DPP10: variants seen among roughly 807,000 people sequenced by gnomAD.
The protein encoded by DPP10 is inactive dipeptidyl peptidase 10.
Under a neutral mutation model 120.9 loss-of-function variants are expected in DPP10, and 33 were observed. That is an observed-to-expected ratio of 0.27 (90% CI 0.21 to 0.37). The LOEUF (loss-of-function observed/expected upper bound fraction) is 0.37, where lower values mean the gene tolerates loss of function less well. Among genes scored for constraint, DPP10 ranks in the 10% least tolerant of loss-of-function variants. DPP10 has a pLI of 1.00. For missense variants in DPP10, 816 were observed against 942.8 expected, an observed-to-expected ratio of 0.87 and a Z score of 1.76; for synonymous variants, 337 against 326.1, an observed-to-expected ratio of 1.03 and a Z score of -0.36.
At chr2:114,983,193 T>G (rs896344125) in intron 1 of DPP10, among the ~76,000 whole-genome samples, 2 of 152,190 alleles carry the variant, frequency 1.3e-5, no homozygotes, top group Non-Finnish European at 2.9e-5. Flanking sequence ...GAGATTTGCT[T>G]TCCACGATTT....
At chr2:114,845,221 T>C (rs1377677421) in intron 1 of DPP10, among the ~76,000 whole-genome samples, 1 of 152,094 alleles carries the variant, frequency 6.6e-6, no homozygotes, top group Non-Finnish European at 1.5e-5. Context: ...TGCTAACGGA[T>C]GAGACTCAAT....
At chr2:114,931,032 C>G (rs1366383432) in intron 1 of DPP10, among the ~76,000 whole-genome samples, 1 of 152,124 alleles carries the variant, frequency 6.6e-6, no homozygotes, top group Non-Finnish European at 1.5e-5. Context: ...CCAAACTATA[C>G]CAACCACTTA....
chr2:115,073,331 T>A (rs966821), intron 1 of DPP10, among the ~76,000 whole-genome samples: 148,861 of 152,320 alleles, frequency 0.98, 72,843 homozygotes, highest in Middle Eastern at 1. Context: ...AGAAGTTATG[T>A]TTTTAAAATC....
At chr2:114,574,372 C>T (rs1164653309) in intron 1 of DPP10, among the ~76,000 whole-genome samples, 2 of 152,104 alleles carry the variant, frequency 1.3e-5, no homozygotes, top group Non-Finnish European at 2.9e-5. Context: ...GCGTCAGCGC[C>T]GCTTGCCCAC....
At chr2:114,778,199 G>T (rs1681934305) in intron 1 of DPP10, among the ~76,000 whole-genome samples, 1 of 151,982 alleles carries the variant, frequency 6.6e-6, no homozygotes, top group Non-Finnish European at 1.5e-5. Flanking sequence ...AATATTAAGG[G>T]ATGACACTTA....
chr2:114,450,950 C>A (rs1428905551), intron 1 of DPP10, among the ~76,000 whole-genome samples: 1 of 152,078 alleles, frequency 6.6e-6, no homozygotes. Flanking sequence ...CAAGATGAAT[C>A]ATTGCTGACG....
chr2:115,147,889 C>G (rs952779902), intron 1 of DPP10, among the ~76,000 whole-genome samples: 1 of 152,092 alleles, frequency 6.6e-6, no homozygotes, highest in African/African-American at 2.4e-5. Context: ...GACTTTAGCT[C>G]TTTTTGGTAG....
chr2:114,694,949 A>T (rs1234769560), intron 1 of DPP10, among the ~76,000 whole-genome samples: 2 of 151,992 alleles, frequency 1.3e-5, no homozygotes, highest in East Asian at 3.9e-4. Flanking sequence ...TTTAATTTGG[A>T]TGAAATATTT....
Position 114,534,403 on chromosome 2 carries a change from G to A in DPP10, c.60+91565G>A, listed in dbSNP as rs191975664. 2.3e-3 allele frequency among the ~76,000 whole-genome samples: 345 copies of A among 151,958 alleles called. 2 individuals are homozygous for A. Among genetic ancestry groups the A allele is most frequent in the African/African-American group, 8.0e-3 (333 of 41,452 alleles). On this transcript the variant is annotated intron_variant, in intron 1 of 25. Coordinates refer to ENST00000410059, the MANE Select transcript of DPP10 (RefSeq NM_020868.6). ...AACCTAGGTACCTGTTCATGATTAA[G>A]AATGAACTACTCAGAGGTTTATTTG...
intron 1 of DPP10, among the ~76,000 whole-genome samples, chr2:114,829,269 G>A (rs1040334946): frequency 2.6e-5 from 4 of 151,762 alleles, no homozygotes; most frequent in South Asian, 2.1e-4. Flanking sequence ...CAGCCTGGGC[G>A]ACAGAGTGAG....
intron 1 of DPP10, among the ~76,000 whole-genome samples, chr2:114,852,480 C>A (rs1689032525): frequency 6.6e-6 from 1 of 152,000 alleles, no homozygotes; most frequent in Non-Finnish European, 1.5e-5. Context: ...AGTATAATAG[C>A]TATTTACATA....
intron 1 of DPP10, among the ~76,000 whole-genome samples, chr2:114,871,483 C>T (rs569134732): frequency 5.3e-4 from 80 of 152,120 alleles, no homozygotes; most frequent in Middle Eastern, 6.8e-3. Context: ...TGTGAACCAA[C>T]CTAATAAGAG....
rs556551191 is a variant in DPP10 at position 115,124,123 on chromosome 2, G to A, written c.61-185116G>A. On this transcript the variant is annotated intron_variant, in intron 1 of 25. Transcript: ENST00000410059. ...ACCTGGCTAATTTTCTTATTCTTAT[G>A]TAAAAGTGGGGCTCTTGCCATCTTG... Among the ~76,000 whole-genome samples, 12 of 151,950 alleles carry A rather than the reference G, an allele frequency of 7.9e-5. No homozygotes were observed. In the South Asian group the frequency reaches 2.5e-3, roughly 32 times the overall value.
At chr2:115,594,646 A>G (rs1451289813) in intron 5 of DPP10, among the ~76,000 whole-genome samples, 1 of 152,156 alleles carries the variant, frequency 6.6e-6, no homozygotes, top group Non-Finnish European at 1.5e-5. Context: ...CCTGCTTTCA[A>G]GCATGCCTAT....
intron 2 of DPP10, among the ~76,000 whole-genome samples, chr2:115,311,047 C>A (rs2061555289): frequency 6.6e-6 from 1 of 152,124 alleles, no homozygotes; most frequent in Admixed American, 6.6e-5. Flanking sequence ...TCTGCTCAAC[C>A]CTTTTCAATT....
intron 21 of DPP10, among the ~76,000 whole-genome samples, chr2:115,826,624 G>A (rs1394517814): frequency 6.6e-6 from 1 of 152,160 alleles, no homozygotes; most frequent in Non-Finnish European, 1.5e-5. Flanking sequence ...GGAAGGATGA[G>A]GCAGGAGAAT....
At chr2:115,227,481 C>T (rs547391691) in intron 1 of DPP10, among the ~76,000 whole-genome samples, 1 of 152,214 alleles carries the variant, frequency 6.6e-6, no homozygotes, top group African/African-American at 2.4e-5. Flanking sequence ...TCTTAGTGAA[C>T]AGTTCTGAGT....
At chr2:115,404,554 T>C (rs2068366867) in intron 3 of DPP10, among the ~76,000 whole-genome samples, 1 of 152,178 alleles carries the variant, frequency 6.6e-6, no homozygotes, top group African/African-American at 2.4e-5. Context: ...ATTGATATTG[T>C]GAAAATGTTT....
chr2:115,286,080 C>CT (rs1173123543), intron 1 of DPP10, among the ~76,000 whole-genome samples: 1 of 151,780 alleles, frequency 6.6e-6, no homozygotes, highest in Non-Finnish European at 1.5e-5. Context: ...TGTATTTACT[C>CT]TTTTTCATTA....
Sources: gnomAD v4.1 joint callset for allele counts (sites outside exome capture counted in the v4.1 genomes callset) on GRCh38, gnomAD v4.1.1 for gene constraint, MANE v1.5 for transcripts, NCBI Gene and HGNC (gene_info 2026-07-23, HGNC 2026-07-21) for gene names.